ASH1L: variants seen among roughly 807,000 people sequenced by gnomAD.
ASH1L encodes ASH1 like histone lysine methyltransferase, also known as histone-lysine N-methyltransferase ASH1L.
A neutral mutation model predicts 269.0 loss-of-function variants in ASH1L; 23 were observed. The observed-to-expected ratio is 0.09, with a 90% CI of 0.06 to 0.12. The LOEUF is 0.12. ASH1L is among the 10% of genes least tolerant of loss of function. The pLI is 1.00. For synonymous variants in ASH1L, 1,187 were observed against 1,253.5 expected, an observed-to-expected ratio of 0.95 and a Z score of 1.12; for missense variants, 2,912 against 3,567.8, an observed-to-expected ratio of 0.82 and a Z score of 4.68.
chr1:155,380,408 A>G (rs2148444269), intron 7 of ASH1L, among the ~76,000 whole-genome samples: 1 of 152,192 alleles, frequency 6.6e-6, no homozygotes, highest in South Asian at 2.1e-4. Context: ...TTTTATTATT[A>G]TTAAAAATTA....
Position 155,480,362 on chromosome 1 carries a change from C to A in ASH1L, c.2508G>T (p.Met836Ile), listed in dbSNP as rs1665863973. 1.2e-6 allele frequency: 2 copies of A among 1,613,720 alleles called. No homozygotes were observed. Among genetic ancestry groups the A allele is most frequent in the African/African-American group, 1.3e-5 (1 of 74,910 alleles). Residue 836 changes from methionine (M) to isoleucine (I), a missense_variant, in exon 3 of 28, where the codon ATG becomes ATT. Physicochemically the swap from Met to Ile is conservative, Grantham distance 10. Around this residue, in one of 13 missense-constraint regions of ASH1L, gnomAD observed 715 missense variants for 721.0 expected, o/e 0.99. Transcript: ENST00000392403. ...PKRGRPKSKE[M>I]PQLEGPPKRT... ...TTTTAGGTGGCCCTTCCAGTTGAGG[C>A]ATCTCCTTAGATTTAGGCCTTCCTC...
At chr1:155,392,689 A>G (rs1658028733) in intron 7 of ASH1L, among the ~76,000 whole-genome samples, 1 of 151,990 alleles carries the variant, frequency 6.6e-6, no homozygotes, top group Non-Finnish European at 1.5e-5. Context: ...GGGTTTCACC[A>G]TGTTGGCCAG....
At chr1:155,555,109 T>C (rs562905743) in intron 1 of ASH1L, among the ~76,000 whole-genome samples, 4 of 148,592 alleles carry the variant, frequency 2.7e-5, no homozygotes, top group Non-Finnish European at 5.9e-5. Flanking sequence ...GCCACTACAC[T>C]TCAGCTTTGG....
Position 155,477,943 on chromosome 1 carries a change from G to T in ASH1L, c.4927C>A (p.Arg1643=), listed in dbSNP as rs201876504. The T allele has an allele frequency of 1.2e-6, 2 of 1,614,114 alleles. No individual in the cohort carries two copies. The highest frequency in any genetic ancestry group is 1.1e-5 in the South Asian group (1 of 91,080). The change falls in exon 3 of 28, where the codon CGG becomes AGG. Residue 1643 remains arginine, a synonymous_variant. Coordinates refer to ENST00000392403, the MANE Select transcript of ASH1L (RefSeq NM_018489.3). ...GGCAGTGACTCCTTTCTGTGAAGCC[G>T]ATTTAGTGAAGTGTCCTGTGCAGAA... is the stretch of plus-strand genomic sequence containing the variant. ...LFSAQDTSLN[R]LHRKESLPSN...
At chr1:155,531,707 A>G (rs1416678654) in intron 1 of ASH1L, among the ~76,000 whole-genome samples, 1 of 152,220 alleles carries the variant, frequency 6.6e-6, no homozygotes, top group African/African-American at 2.4e-5. Flanking sequence ...TCAAGGAGAA[A>G]AACGAACAGT....
At chr1:155,348,148 C>T (rs533617885) in intron 19 of ASH1L, among the ~76,000 whole-genome samples, 10 of 152,252 alleles carry the variant, frequency 6.6e-5, no homozygotes, top group South Asian at 2.1e-4. Context: ...ATTCCTGTCA[C>T]GGGCCTTCTT....
chr1:155,525,882 A>G (rs1558192633), intron 1 of ASH1L, among the ~76,000 whole-genome samples: 2 of 152,162 alleles, frequency 1.3e-5, no homozygotes, highest in Non-Finnish European at 2.9e-5. Context: ...TGGTATTTGC[A>G]TACAGCCTAT....
At chr1:155,417,958 C>CA (rs766819389) in intron 5 of ASH1L, among the ~76,000 whole-genome samples, 1,114 of 87,616 alleles carry the variant, frequency 0.013, 11 homozygotes, top group African/African-American at 0.042. Context: ...AACTCCGTCT[C>CA]AAAAAAAAAA....
intron 5 of ASH1L, among the ~76,000 whole-genome samples, chr1:155,435,266 T>A (rs184683305): frequency 4.7e-4 from 71 of 152,248 alleles, no homozygotes; most frequent in Admixed American, 3.8e-3. Context: ...AACCTCTAAC[T>A]CATAGCTAAT....
chr1:155,381,733 G>A (rs1277434488), intron 7 of ASH1L, among the ~76,000 whole-genome samples: 1 of 150,806 alleles, frequency 6.6e-6, no homozygotes, highest in Non-Finnish European at 1.5e-5. Flanking sequence ...AAATTAGCTG[G>A]GTGTGGTGGC....
chr1:155,514,770 G>C (rs1321286379), intron 2 of ASH1L, among the ~76,000 whole-genome samples: 1 of 152,064 alleles, frequency 6.6e-6, no homozygotes, highest in African/African-American at 2.4e-5. Flanking sequence ...AAGCACAGTG[G>C]CTGGCTGTCA....
chr1:155,380,567 T>C (rs1322376461), intron 7 of ASH1L, among the ~76,000 whole-genome samples: 3 of 151,994 alleles, frequency 2.0e-5, no homozygotes, highest in Non-Finnish European at 4.4e-5. Context: ...CCTATTGAAA[T>C]AGTATTTTTG....
At chr1:155,405,246 T>TG (rs1410161400) in intron 6 of ASH1L, among the ~76,000 whole-genome samples, 2 of 145,212 alleles carry the variant, frequency 1.4e-5, no homozygotes, top group African/African-American at 5.0e-5. Context: ...TTTAGGGGGC[T>TG]GAGGGGGGGG....
chr1:155,558,884 C>T (rs1381391481), intron 1 of ASH1L, among the ~76,000 whole-genome samples: 1 of 147,414 alleles, frequency 6.8e-6, no homozygotes, highest in Non-Finnish European at 1.5e-5. Flanking sequence ...GTCACTCTGT[C>T]GTCCAGGCTG....
intron 21 of ASH1L, chr1:155,345,995 C>A (rs1653275199): frequency 2.5e-6 from 1 of 394,980 alleles, no homozygotes; most frequent in Non-Finnish European, 4.6e-6. Context: ...CCATGCCCGG[C>A]TAATTTTTTT....
intron 17 of ASH1L, among the ~76,000 whole-genome samples, chr1:155,350,738 T>C (rs1051051221): frequency 2.0e-5 from 3 of 151,366 alleles, no homozygotes; most frequent in Admixed American, 6.6e-5. Context: ...CTGGCTAACA[T>C]GGGGAAACTC....
chr1:155,514,201 G>A lies in ASH1L; in HGVS notation c.420+6899C>T, dbSNP rs565182263. ...GGAAAATGTCAAAAAAAGATCCAGA[G>A]CTGGTGGGTGGGCATGGTCGCACAA... On this transcript the variant is annotated intron_variant, in intron 2 of 27. Coordinates refer to ENST00000392403, the MANE Select transcript of ASH1L (RefSeq NM_018489.3). Among the ~76,000 whole-genome samples the A allele has an allele frequency of 4.1e-4, 62 of 152,294 alleles. 1 individual carries two copies. In the South Asian group the frequency reaches 0.012, roughly 30 times the overall value.
At position 155,486,855 on chromosome 1, in the gene ASH1L, T is replaced by TA. The variant is rs869311765; in HGVS notation, c.421-4407dup. Among the ~76,000 whole-genome samples, 155 of 140,560 alleles carry TA rather than the reference T, an allele frequency of 1.1e-3. 1 individual carries two copies. Among genetic ancestry groups the TA allele is most frequent in the Middle Eastern group, 3.6e-3 (1 of 278 alleles). The allele number at this position is 140,560 out of a possible 152,430, so 92.2% of individuals were successfully genotyped here. On this transcript the variant is annotated intron_variant, in intron 2 of 27. Transcript: ENST00000392403. ...ACACGCAATACCATGTATTACAGTT[T>TA]AAAAAAAAAAAAAGAAAAAAAAAGC...
intron 13 of ASH1L, 96 bp downstream of exon 13, chr1:155,360,205 A>T: frequency 2.4e-6 from 2 of 846,744 alleles, no homozygotes; most frequent in South Asian, 1.5e-5. Context: ...CATACTTCTT[A>T]ATGGCTCCAA....
Sources: allele counts gnomAD v4.1 joint callset (sites outside exome capture counted in the v4.1 genomes callset), GRCh38; gene constraint gnomAD v4.1.1; regional missense constraint gnomAD v4.1.1; transcripts MANE v1.5; gene names NCBI Gene and HGNC (gene_info 2026-07-23, HGNC 2026-07-21).